TRHDE: variants seen among roughly 807,000 people sequenced by gnomAD.
TRHDE encodes thyrotropin releasing hormone degrading enzyme.
Under a neutral mutation model 125.7 loss-of-function variants are expected in TRHDE, and 72 were observed. The ratio of observed to expected loss-of-function variants is 0.57; its 90% CI spans 0.47 to 0.70. The LOEUF (loss-of-function observed/expected upper bound fraction) is 0.70, where lower values mean the gene tolerates loss of function less well. Among genes scored for constraint, TRHDE ranks in the 30% least tolerant of loss-of-function variants. TRHDE has a pLI of 0.00. For synonymous variants in TRHDE, 509 were observed against 509.1 expected, an observed-to-expected ratio of 1.00 and a Z score of 0.00; for missense variants, 1,110 against 1,327.1, an observed-to-expected ratio of 0.84 and a Z score of 2.54.
chr12:72,091,313 T>G (rs1431718831), intron 1 of TRHDE, among the ~76,000 whole-genome samples: 1 of 152,194 alleles, frequency 6.6e-6, no homozygotes, highest in Admixed American at 6.5e-5. Context: ...CACATAAATT[T>G]TGCATTTATT....
chr12:72,273,226 T>C lies in TRHDE; in HGVS notation c.583T>C (p.Tyr195His). ...GTCGGGCCACCTGAAGCCGCTGCAC[T>C]ACAATCTGATGCTCACCGCCTTCAT... is the stretch of plus-strand genomic sequence containing the variant. Reference protein sequence around the residue: ...RLSGHLKPLHYNLMLTAFMEN... With the variant: ...RLSGHLKPLHHNLMLTAFMEN... The change falls in exon 1 of 19, where the codon TAC (tyrosine) becomes CAC (histidine). Residue 195 changes from tyrosine to histidine, a missense_variant. Physicochemically the swap from Tyr to His is moderately conservative, Grantham distance 83 (BLOSUM62 2). Around this residue, in one of 5 missense-constraint regions of TRHDE, gnomAD observed 72 missense variants for 122.2 expected, o/e 0.59. Coordinates refer to ENST00000261180, the MANE Select transcript of TRHDE (RefSeq NM_013381.3). The surrounding 1 kb of genome is among the most constrained non-coding windows in gnomAD (Gnocchi z 5.3). The C allele has an allele frequency of 6.2e-7, 1 of 1,613,284 alleles. No individual in the cohort carries two copies. The highest frequency in any genetic ancestry group is 8.5e-7 in the Non-Finnish European group (1 of 1,179,530).
chr12:72,498,231 T>C (rs776534520), intron 5 of TRHDE, among the ~76,000 whole-genome samples: 4 of 152,220 alleles, frequency 2.6e-5, no homozygotes, highest in South Asian at 2.1e-4. Flanking sequence ...TACTAAATCA[T>C]TGAGCAAATG....
intron 2 of TRHDE, among the ~76,000 whole-genome samples, chr12:72,348,840 A>T (rs755334045): frequency 5.3e-5 from 8 of 152,024 alleles, no homozygotes; most frequent in Non-Finnish European, 1.0e-4. Context: ...CTTTACTTGA[A>T]ATCATTTGTT....
At chr12:72,586,191 A>G (rs778389728) in intron 12 of TRHDE, among the ~76,000 whole-genome samples, 3 of 152,222 alleles carry the variant, frequency 2.0e-5, no homozygotes, top group Non-Finnish European at 4.4e-5. Context: ...ATTATTTTAC[A>G]CTAGTCATAA....
At chr12:72,635,539 G>T (rs1873703812) in intron 15 of TRHDE, among the ~76,000 whole-genome samples, 1 of 152,102 alleles carries the variant, frequency 6.6e-6, no homozygotes, top group Admixed American at 6.5e-5. Flanking sequence ...GGCTTTTGTT[G>T]CCATTGCTTT....
chr12:72,120,032 A>C (rs539543032), intron 2 of TRHDE, among the ~76,000 whole-genome samples: 1 of 151,302 alleles, frequency 6.6e-6, no homozygotes, highest in East Asian at 1.9e-4. Context: ...CAATGCTATT[A>C]TTGATAAAGT....
intron 6 of TRHDE, among the ~76,000 whole-genome samples, chr12:72,518,630 AT>A (rs1879009234): frequency 6.6e-6 from 1 of 152,012 alleles, no homozygotes; most frequent in South Asian, 2.1e-4. Context: ...TAATTGGAGC[AT>A]TTAGTCCATT....
chr12:72,539,162 C>G (rs1869018351), intron 6 of TRHDE, among the ~76,000 whole-genome samples: 1 of 151,896 alleles, frequency 6.6e-6, no homozygotes, highest in Non-Finnish European at 1.5e-5. Flanking sequence ...TTTGTCCCTC[C>G]AGATATAACC....
At chr12:72,541,153 T>G (rs1266307895) in intron 6 of TRHDE, among the ~76,000 whole-genome samples, 1 of 151,600 alleles carries the variant, frequency 6.6e-6, no homozygotes, top group Non-Finnish European at 1.5e-5. Context: ...AATGAATTAT[T>G]GCAGTTGTAC....
intron 2 of TRHDE, among the ~76,000 whole-genome samples, chr12:72,325,770 G>A (rs11179153): frequency 0.019 from 2,913 of 152,154 alleles, 90 homozygotes; most frequent in African/African-American, 0.067. Flanking sequence ...TAGTGAAATC[G>A]ACAACACAGC....
intron 2 of TRHDE, among the ~76,000 whole-genome samples, chr12:72,167,853 G>C (rs920044672): frequency 6.6e-5 from 10 of 152,122 alleles, no homozygotes; most frequent in Non-Finnish European, 1.5e-4. Flanking sequence ...TGAAATTTTA[G>C]GCTCTGCTTG....
At chr12:72,489,858 C>A (rs1345174225) in intron 5 of TRHDE, among the ~76,000 whole-genome samples, 1 of 151,750 alleles carries the variant, frequency 6.6e-6, no homozygotes, top group South Asian at 2.1e-4. Context: ...ATGGGTAAGA[C>A]CTAAATGTAA....
At chr12:72,224,065 CCTAT>C (rs142732606) in intron 2 of TRHDE, among the ~76,000 whole-genome samples, 2,487 of 142,056 alleles carry the variant, frequency 0.018, 29 homozygotes, top group South Asian at 0.039. Flanking sequence ...ATGTGTCCTT[CCTAT>C]CTATCTATCC....
At chr12:72,410,064 A>G (rs1873428886) in intron 3 of TRHDE, among the ~76,000 whole-genome samples, 1 of 152,068 alleles carries the variant, frequency 6.6e-6, no homozygotes, top group Non-Finnish European at 1.5e-5. Context: ...AGAATGTACA[A>G]ATAATTTAAG....
chr12:72,660,781 G>T (rs976228163), intron 18 of TRHDE, among the ~76,000 whole-genome samples: 1 of 151,636 alleles, frequency 6.6e-6, no homozygotes, highest in Admixed American at 6.6e-5. Context: ...CTCTTGCCTC[G>T]GCACCCGGGT....
At chr12:72,635,508 G>T (rs1248693573) in intron 15 of TRHDE, among the ~76,000 whole-genome samples, 14 of 152,242 alleles carry the variant, frequency 9.2e-5, no homozygotes, top group Middle Eastern at 6.8e-3. Context: ...TTAGTTTAAT[G>T]AGATCCCATT....
chr12:72,438,265 T>C (rs1252301714), intron 3 of TRHDE, among the ~76,000 whole-genome samples: 8 of 151,850 alleles, frequency 5.3e-5, no homozygotes, highest in Non-Finnish European at 1.2e-4. Flanking sequence ...TTTGACCTAT[T>C]GATGTCATTT....
intron 2 of TRHDE, among the ~76,000 whole-genome samples, chr12:72,370,850 C>T (rs1565716275): frequency 6.6e-6 from 1 of 151,882 alleles, no homozygotes; most frequent in East Asian, 1.9e-4. Flanking sequence ...TCAAGCAATT[C>T]TTCTGCCTCA....
intron 3 of TRHDE, among the ~76,000 whole-genome samples, chr12:72,384,173 TTAA>T (rs1445328450): frequency 1.3e-5 from 2 of 152,204 alleles, no homozygotes; most frequent in Non-Finnish European, 2.9e-5. Context: ...TAGACTTCAA[TTAA>T]TGACAGTGTT....
Sources: gnomAD v4.1 joint callset for allele counts (sites outside exome capture counted in the v4.1 genomes callset) on GRCh38, gnomAD v4.1.1 for gene constraint, gnomAD v4.1.1 regional missense constraint, Gnocchi (gnomAD v3.1) non-coding constraint, MANE v1.5 for transcripts, NCBI Gene and HGNC (gene_info 2026-07-23, HGNC 2026-07-21) for gene names.